Variants in BAZ2A observed in about 807,000 individuals in gnomAD.
The protein encoded by BAZ2A is bromodomain adjacent to zinc finger domain 2A.
Under a neutral mutation model 199.9 loss-of-function variants are expected in BAZ2A, and 34 were observed. That is an observed-to-expected ratio of 0.17 (90% CI 0.13 to 0.23). BAZ2A has a LOEUF of 0.23. Ranked by LOEUF, BAZ2A falls within the 10% of genes least tolerant of loss-of-function variation. The probability of loss-of-function intolerance (pLI) is 1.00; values close to 1 mark genes in which losing one functional copy is unlikely to be tolerated. For synonymous variants in BAZ2A, 857 were observed against 883.9 expected, an observed-to-expected ratio of 0.97 and a Z score of 0.54; for missense variants, 2,002 against 2,391.1, an observed-to-expected ratio of 0.84 and a Z score of 3.39.
In BAZ2A at chr12:56,601,562, AGCT is replaced by A; in HGVS notation, c.4052_4054del (p.Gln1351del). The A allele has an allele frequency of 6.2e-7, 1 of 1,613,048 alleles. No homozygotes were observed. Among genetic ancestry groups the A allele is most frequent in the African/African-American group, 1.3e-5 (1 of 75,030 alleles). On this transcript the variant is annotated inframe_deletion, in exon 20 of 29. Transcript: ENST00000549884. Reference sequence around the variant, plus strand: ...GCTACTTACTGGCTTGGAGGAGGCAAGCTGCTGAGGGGAGGGAGTGGGTTGGTC... The same window carrying A: ...GCTACTTACTGGCTTGGAGGAGGCAAGCTGAGGGGAGGGAGTGGGTTGGTC...
upstream of BAZ2A, among the ~76,000 whole-genome samples, chr12:56,632,407 A>G (rs957816014): frequency 1.3e-4 from 20 of 151,964 alleles, no homozygotes; most frequent in African/African-American, 4.8e-4. Context: ...CCTGCTCCCA[A>G]TCTTAAAGGG....
At chr12:56,608,326 C>T (rs1420580677) in intron 10 of BAZ2A, among the ~76,000 whole-genome samples, 6 of 150,946 alleles carry the variant, frequency 4.0e-5, no homozygotes, top group East Asian at 2.0e-4. Context: ...GAGCCAAGAT[C>T]GTGCCACTGC....
intron 26 of BAZ2A, among the ~76,000 whole-genome samples, 159 bp downstream of exon 26, chr12:56,599,543 C>G (rs936981561): frequency 6.6e-5 from 10 of 152,180 alleles, no homozygotes; most frequent in African/African-American, 2.4e-4. Context: ...TTTATAGAGA[C>G]AGCAATTAAA....
chr12:56,620,363 T>C (rs1950878120), intron 1 of BAZ2A, among the ~76,000 whole-genome samples: 1 of 151,876 alleles, frequency 6.6e-6, no homozygotes, highest in African/African-American at 2.4e-5. Flanking sequence ...TAGCCAGGCA[T>C]GATGGTGAGC....
intron 10 of BAZ2A, among the ~76,000 whole-genome samples, 165 bp downstream of exon 10, chr12:56,609,571 A>G (rs1196817172): frequency 2.0e-5 from 3 of 152,174 alleles, no homozygotes; most frequent in African/African-American, 7.2e-5. Context: ...AGTATTCCCA[A>G]GCGCTGGGAC....
chr12:56,612,397 A>G (rs1216608103), intron 5 of BAZ2A, among the ~76,000 whole-genome samples, 151 bp from the exon 6 acceptor site: 1 of 152,192 alleles, frequency 6.6e-6, no homozygotes, highest in Non-Finnish European at 1.5e-5. Context: ...TTTTTCTCCC[A>G]ACCAATCATG....
chr12:56,617,364 C>T (rs1170240995), intron 2 of BAZ2A, 31 bp downstream of exon 2: 1 of 1,560,616 alleles, frequency 6.4e-7, no homozygotes, highest in African/African-American at 1.4e-5. Context: ...ATGCCCATTC[C>T]CTCCCCAGGC....
chr12:56,605,370 A>G, intron 13 of BAZ2A, 43 bp from the exon 14 acceptor site: 1 of 1,532,956 alleles, frequency 6.5e-7, no homozygotes, highest in Non-Finnish European at 8.8e-7. Flanking sequence ...TAAACATAAC[A>G]GAAGATGACA....
chr12:56,609,888 G>C lies in BAZ2A; in HGVS notation c.1940C>G (p.Thr647Ser). Reference protein sequence around the residue: ...EEIPSRIQAITGKRGRPRNTE... With the variant: ...EEIPSRIQAISGKRGRPRNTE... ...GTTTCGAGGTCGACCCCGTTTGCCA[G>C]TAATTGCCTGAATCCTCGACGGGAT... The change falls in exon 10 of 29, where the codon ACT (threonine) becomes AGT (serine). Residue 647 changes from threonine (T) to serine (S), a missense_variant. Around this residue, in one of 6 missense-constraint regions of BAZ2A, gnomAD observed 74 missense variants for 126.1 expected, o/e 0.59. Transcript: ENST00000549884. 1.2e-6 allele frequency: 2 copies of C among 1,613,376 alleles called. No homozygotes were observed. Among genetic ancestry groups the C allele is most frequent in the Non-Finnish European group, 8.5e-7 (1 of 1,179,826 alleles).
At position 56,606,827 on chromosome 12, in the gene BAZ2A, C is replaced by T. The variant is rs1225248432; in HGVS notation, c.2093-94G>A. On this transcript the variant is annotated intron_variant, in intron 10 of 28. Coordinates refer to ENST00000549884, the MANE Select transcript of BAZ2A (RefSeq NM_001300905.2). Reference sequence around the variant, plus strand: ...CATGCCCGTCTCAAAGCTGGCCTCCCAAGCAGCTCCCTGAAGAATCTAGAG... The same window carrying T: ...CATGCCCGTCTCAAAGCTGGCCTCCTAAGCAGCTCCCTGAAGAATCTAGAG... 6 of 966,758 alleles carry T rather than the reference C, an allele frequency of 6.2e-6. No individual in the cohort carries two copies. The Admixed American group carries it at 8.9e-5, about 14-fold the overall frequency. The allele number at this position is 966,758 out of a possible 1,614,324, so 59.9% of individuals were successfully genotyped here. A position where few individuals can be genotyped will look rare whatever the true frequency, so the allele number is the denominator to read the frequency against.
In BAZ2A at chr12:56,605,283, A is replaced by G. The variant is rs1350324952; in HGVS notation, c.2538T>C (p.Ser846=). The G allele has an allele frequency of 1.2e-6, 2 of 1,613,756 alleles. No individual in the cohort carries two copies. The highest frequency in any genetic ancestry group is 3.3e-5 in the Admixed American group (2 of 60,006). The change falls in exon 14 of 29, where the codon AGT becomes AGC. Residue 846 remains serine (S), a synonymous_variant. Coordinates refer to ENST00000549884, the MANE Select transcript of BAZ2A (RefSeq NM_001300905.2). ...FSRVPGLTLP[S]GAFSDCLTIV... is the part of the protein sequence containing the mutation. ...TGGTCAAGCAGTCTGAGAAGGCTCC[A>G]CTGGGCAATGTCAGACCAGGGACTC...
intron 13 of BAZ2A, 96 bp from the exon 14 acceptor site, chr12:56,605,423 A>ATT (rs376954501): frequency 2.1e-3 from 2,243 of 1,059,182 alleles, no homozygotes; most frequent in Non-Finnish European, 2.4e-3. Flanking sequence ...TTTTTATGTA[A>ATT]TTTTTTTTTT....
chr12:56,599,832 C>A lies in BAZ2A; in HGVS notation c.5042G>T (p.Arg1681Leu). ...SVNKVTCLVCRKGDNDEFLLL... is the reference protein window; with the variant it reads ...SVNKVTCLVCLKGDNDEFLLL... ...AAGAAACTCATCATTGTCACCCTTCCGGCAGACTAGACATGTCTGGACCAA... is the reference window on the plus strand; with the variant it reads ...AAGAAACTCATCATTGTCACCCTTCAGGCAGACTAGACATGTCTGGACCAA... Residue 1681 changes from arginine (R) to leucine (L), a missense_variant, in exon 26 of 29, where the codon CGG becomes CTG. By Grantham distance (102) the Arg-to-Leu change is moderately radical. Around this residue, in one of 6 missense-constraint regions of BAZ2A, gnomAD observed 1,081 missense variants for 1,274.7 expected, o/e 0.85. Coordinates refer to ENST00000549884, the MANE Select transcript of BAZ2A (RefSeq NM_001300905.2). The A allele has an allele frequency of 1.2e-6, 2 of 1,614,004 alleles. No individual in the cohort carries two copies. The highest frequency in any genetic ancestry group is 1.7e-6 in the Non-Finnish European group (2 of 1,179,898).
At chr12:56,600,556 A>C in intron 23 of BAZ2A, 66 bp from the exon 24 acceptor site, 3 of 1,575,062 alleles carry the variant, frequency 1.9e-6, no homozygotes, top group South Asian at 2.3e-5. Flanking sequence ...GGAAAAAAAA[A>C]AACAAAAACA....
At chr12:56,634,414 G>C (rs1199280478), upstream of BAZ2A, among the ~76,000 whole-genome samples, 1 of 152,166 alleles carries the variant, frequency 6.6e-6, no homozygotes, top group Non-Finnish European at 1.5e-5. Context: ...GCGGTGCTGA[G>C]GTTGGACCCC....
In BAZ2A at chr12:56,602,519, C is replaced by A. The variant is rs191175861; in HGVS notation, c.3424+194G>T. 3.9e-5 allele frequency among the ~76,000 whole-genome samples: 6 copies of A among 152,270 alleles called. No homozygotes were observed. In the South Asian group the frequency reaches 8.3e-4, roughly 21 times the overall value. On this transcript the variant is annotated intron_variant, in intron 19 of 28. Transcript: ENST00000549884. ...ATACACTATTATTATCTCAACTTCA[C>A]AAATGAAGAAACAGAATCATACAGC...
intron 2 of BAZ2A, 43 bp downstream of exon 2, chr12:56,617,352 T>A (rs1180010908): frequency 6.5e-7 from 1 of 1,534,060 alleles, no homozygotes; most frequent in Admixed American, 2.1e-5. Context: ...CCTAAAGGGA[T>A]GATGCCCATT....
At chr12:56,621,205 A>G (rs955683023) in intron 1 of BAZ2A, 2 of 984,488 alleles carry the variant, frequency 2.0e-6, no homozygotes, top group Non-Finnish European at 2.4e-6. Context: ...TCATTTTTCC[A>G]TTCTCTATTT....
chr12:56,613,102 T>A lies in BAZ2A; in HGVS notation c.1048A>T (p.Ser350Cys), dbSNP rs1950613877. The A allele has an allele frequency of 6.2e-7, 1 of 1,613,992 alleles. No individual in the cohort carries two copies. The highest frequency in any genetic ancestry group is 8.5e-7 in the Non-Finnish European group (1 of 1,179,886). ...CPSLNNATAF[S>C]LLADDSQTST... ...GTTTGACTATCATCTGCCAGGAGACTGAAGGCAGTAGCATTATTGAGGGAA... is the reference window on the plus strand; with the variant it reads ...GTTTGACTATCATCTGCCAGGAGACAGAAGGCAGTAGCATTATTGAGGGAA... The change falls in exon 5 of 29, where the codon AGT becomes TGT. Residue 350 changes from serine to cysteine, a missense_variant. Physicochemically the swap from Ser to Cys is moderately radical, Grantham distance 112. Around this residue, in one of 6 missense-constraint regions of BAZ2A, gnomAD observed 641 missense variants for 694.5 expected, o/e 0.92. Transcript: ENST00000549884.
Sources: allele counts gnomAD v4.1 joint callset (sites outside exome capture counted in the v4.1 genomes callset), GRCh38; gene constraint gnomAD v4.1.1; regional missense constraint gnomAD v4.1.1; transcripts MANE v1.5; gene names NCBI Gene and HGNC (gene_info 2026-07-23, HGNC 2026-07-21).